FCER1A: variants seen among roughly 807,000 people sequenced by gnomAD.
The protein encoded by FCER1A is Fc epsilon receptor Ia.
Under a neutral mutation model 23.6 loss-of-function variants are expected in FCER1A, and 24 were observed. The observed-to-expected ratio is 1.02, with a 90% CI of 0.74 to 1.43. The LOEUF (loss-of-function observed/expected upper bound fraction) is 1.43. Among genes scored for constraint, FCER1A ranks in the 40% most tolerant of loss-of-function variants. The pLI is 0.00. For synonymous variants in FCER1A, 121 were observed against 108.8 expected (o/e 1.11, Z -0.70); for missense variants, 318 against 294.5 (o/e 1.08, Z -0.58).
upstream of FCER1A, among the ~76,000 whole-genome samples, chr1:159,299,400 C>T (rs976525329): frequency 2.0e-5 from 3 of 152,174 alleles, no homozygotes; most frequent in African/African-American, 4.8e-5. Context: ...CTTGATCCTC[C>T]CTCTGCCAGG....
At position 159,306,210 on chromosome 1, in the gene FCER1A, A is replaced by C; in HGVS notation, c.554A>C (p.Tyr185Ser). 2 of 1,614,132 alleles carry C rather than the reference A, an allele frequency of 1.2e-6. No homozygotes were observed. Among genetic ancestry groups the C allele is most frequent in the African/African-American group, 1.3e-5 (1 of 75,056 alleles). The change falls in exon 4 of 5, where the codon TAT (tyrosine) becomes TCT (serine). Residue 185 changes from tyrosine to serine, a missense_variant. Physicochemically the swap from Tyr to Ser is moderately radical, Grantham distance 144 (BLOSUM62 -2). Coordinates refer to ENST00000693622, the MANE Select transcript of FCER1A (RefSeq NM_001387280.1). ...ACGGGCAAAGTGTGGCAGCTGGACTATGAGTCTGAGCCCCTCAACATTACT... is the reference window on the plus strand; with the variant it reads ...ACGGGCAAAGTGTGGCAGCTGGACTCTGAGTCTGAGCCCCTCAACATTACT... ...YCTGKVWQLDYESEPLNITVI... is the reference protein window; with the variant it reads ...YCTGKVWQLDSESEPLNITVI...
intron 1 of FCER1A, among the ~76,000 whole-genome samples, chr1:159,292,886 G>A (rs976960053): frequency 6.6e-6 from 1 of 151,810 alleles, no homozygotes; most frequent in Non-Finnish European, 1.5e-5. Context: ...GGCTCTAAAA[G>A]AAGTGGAAGA....
chr1:159,306,331 G>C lies in FCER1A; in HGVS notation c.589+86G>C, dbSNP rs1484628523. Reference sequence around the variant, plus strand: ...GCCTGAGCAGTTGCAGCTTGTAGAAGGGGGGCACCTGTGATACACTGGAAA... The same window carrying C: ...GCCTGAGCAGTTGCAGCTTGTAGAACGGGGGCACCTGTGATACACTGGAAA... On this transcript the variant is annotated intron_variant, in intron 4 of 4. Coordinates refer to ENST00000693622, the MANE Select transcript of FCER1A (RefSeq NM_001387280.1). 3 of 1,340,234 alleles carry C rather than the reference G, an allele frequency of 2.2e-6. No homozygotes were observed. In the East Asian group the frequency reaches 7.2e-5, roughly 32 times the overall value. 83.0% of individuals were successfully genotyped at this position (1,340,234 alleles called of 1,614,324 possible).
chr1:159,299,502 T>G (rs1652374981), upstream of FCER1A, among the ~76,000 whole-genome samples: 1 of 152,198 alleles, frequency 6.6e-6, no homozygotes, highest in African/African-American at 2.4e-5. Flanking sequence ...CTGTAGCTCA[T>G]GTACAGCCAT....
intron 1 of FCER1A, among the ~76,000 whole-genome samples, chr1:159,293,694 T>G (rs1305102901): frequency 5.9e-5 from 9 of 152,042 alleles, no homozygotes; most frequent in African/African-American, 1.4e-4. Context: ...ATTTCCAATT[T>G]CATCCATGTC....
intron 1 of FCER1A, among the ~76,000 whole-genome samples, chr1:159,295,731 C>T (rs1652280260): frequency 1.3e-5 from 2 of 152,132 alleles, no homozygotes; most frequent in South Asian, 4.1e-4. Context: ...GATCAGGGCC[C>T]CTATTCCATG....
chr1:159,300,875 T>C (rs1303640053), upstream of FCER1A, among the ~76,000 whole-genome samples: 2 of 152,196 alleles, frequency 1.3e-5, no homozygotes, highest in African/African-American at 2.4e-5. Context: ...ACATAAAAAT[T>C]AGGAACATTT....
At chr1:159,304,431 T>C (rs1010803527) in intron 3 of FCER1A, among the ~76,000 whole-genome samples, 3 of 151,918 alleles carry the variant, frequency 2.0e-5, no homozygotes, top group African/African-American at 7.2e-5. Flanking sequence ...AAACCCCATC[T>C]CTGCTAAAAA....
intron 1 of FCER1A, among the ~76,000 whole-genome samples, chr1:159,293,410 T>A (rs1197974637): frequency 1.7e-4 from 26 of 152,006 alleles, no homozygotes; most frequent in Admixed American, 1.7e-3. Context: ...ATTATTATTA[T>A]ACTTTAAGTT....
At chr1:159,289,861 G>A (rs1341317445) in intron 1 of FCER1A, 1 of 152,072 alleles carries the variant, frequency 6.6e-6, no homozygotes, top group African/African-American at 2.4e-5. Context: ...CTTGAGAGTA[G>A]GAAGAAGAAA....
intron 3 of FCER1A, among the ~76,000 whole-genome samples, chr1:159,304,468 G>A (rs548950243): frequency 6.6e-5 from 10 of 152,014 alleles, no homozygotes; most frequent in South Asian, 2.1e-4. Context: ...TTAGCCGGGC[G>A]TAGTGGTGGG....
intron 4 of FCER1A, 51 bp downstream of exon 4, chr1:159,306,296 G>A (rs1161868591): frequency 1.3e-6 from 2 of 1,580,286 alleles, no homozygotes; most frequent in South Asian, 2.3e-5. Flanking sequence ...AAGGAAGAGA[G>A]AACTTCTGAG....
At chr1:159,301,405 G>A (rs1396383350), upstream of FCER1A, among the ~76,000 whole-genome samples, 1 of 152,126 alleles carries the variant, frequency 6.6e-6, no homozygotes, top group African/African-American at 2.4e-5. Flanking sequence ...GAAAGCCCCT[G>A]CTGTGTATTT....
chr1:159,304,093 T>A lies in FCER1A; in HGVS notation c.242T>A (p.Val81Glu). 6.2e-7 allele frequency: 1 copy of A among 1,614,044 alleles called. No homozygotes were observed. Among genetic ancestry groups the A allele is most frequent in the Non-Finnish European group, 8.5e-7 (1 of 1,179,926 alleles). Reference sequence around the variant, plus strand: ...GAGACAAATTCAAGTTTGAATATTGTGAATGCCAAATTTGAAGACAGTGGA... The same window carrying A: ...GAGACAAATTCAAGTTTGAATATTGAGAATGCCAAATTTGAAGACAGTGGA... ...SEETNSSLNIVNAKFEDSGEY... is the reference protein window; with the variant it reads ...SEETNSSLNIENAKFEDSGEY... The change falls in exon 3 of 5, where the codon GTG becomes GAG. Residue 81 changes from valine (V) to glutamate (E), a missense_variant. Coordinates refer to ENST00000693622, the MANE Select transcript of FCER1A (RefSeq NM_001387280.1).
rs1652604176 is a variant in FCER1A at position 159,306,102 on chromosome 1, G to C, written c.446G>C (p.Gly149Ala). 6.2e-7 allele frequency: 1 copy of C among 1,614,132 alleles called. No homozygotes were observed. The highest frequency in any genetic ancestry group is 2.2e-5 in the East Asian group (1 of 44,874). Residue 149 changes from glycine (G) to alanine (A), a missense_variant, in exon 4 of 5, where the codon GGT becomes GCT. By Grantham distance (60) the Gly-to-Ala change is moderately conservative. Transcript: ENST00000693622. Reference sequence around the variant, plus strand: ...TACAAGGTGATCTATTATAAGGATGGTGAAGCTCTCAAGTACTGGTATGAG... The same window carrying C: ...TACAAGGTGATCTATTATAAGGATGCTGAAGCTCTCAAGTACTGGTATGAG... ...DVYKVIYYKD[G>A]EALKYWYENH...
chr1:159,287,093 T>C (rs1652037585), upstream of FCER1A, among the ~76,000 whole-genome samples: 2 of 152,222 alleles, frequency 1.3e-5, no homozygotes, highest in South Asian at 4.1e-4. Flanking sequence ...TGGCCACAAA[T>C]TCTGAATAAC....
upstream of FCER1A, among the ~76,000 whole-genome samples, chr1:159,286,818 A>G (rs968197370): frequency 2.6e-5 from 4 of 152,174 alleles, no homozygotes; most frequent in African/African-American, 4.8e-5. Context: ...TGTATATTCT[A>G]TTACATCCAG....
chr1:159,287,193 T>G (rs1418099207), upstream of FCER1A, among the ~76,000 whole-genome samples: 1 of 152,164 alleles, frequency 6.6e-6, no homozygotes, highest in Non-Finnish European at 1.5e-5. Flanking sequence ...AGGACAAGAA[T>G]TTTGGTTCAC....
In FCER1A at chr1:159,307,997, T is replaced by G. The variant is rs1652669050; in HGVS notation, c.*65T>G. 1 of 1,203,080 alleles carries G rather than the reference T, an allele frequency of 8.3e-7. No homozygotes were observed. The highest frequency in any genetic ancestry group is 1.5e-5 in the South Asian group (1 of 67,894). 74.5% of individuals were successfully genotyped at this position (1,203,080 alleles called of 1,614,324 possible). On this transcript the variant is annotated 3_prime_UTR_variant, in exon 5 of 5. Coordinates refer to ENST00000693622, the MANE Select transcript of FCER1A (RefSeq NM_001387280.1). ...CCAGCATCAGCAATTGCTACTCAAT[T>G]GTCAAACACAGCTTGCAATATACAT...
Sources: allele counts gnomAD v4.1 joint callset (sites outside exome capture counted in the v4.1 genomes callset), GRCh38; gene constraint gnomAD v4.1.1; transcripts MANE v1.5; gene names NCBI Gene and HGNC (gene_info 2026-07-23, HGNC 2026-07-21).